The following APOL5 variants were observed in gnomAD, a reference collection of about 807,000 sequenced individuals.
The protein encoded by APOL5 is apolipoprotein L5, also known as apolipoprotein L, 5.
Under a neutral mutation model 35.5 loss-of-function variants are expected in APOL5, and 29 were observed. That is an observed-to-expected ratio of 0.82 (90% CI 0.61 to 1.11). The LOEUF is 1.11. Ranked by LOEUF, APOL5 falls within the 50% of genes most tolerant of loss-of-function variation. APOL5 has a pLI of 0.00. For missense variants in APOL5, 514 were observed against 530.4 expected (o/e 0.97, Z 0.30); for synonymous variants, 188 against 200.2 (o/e 0.94, Z 0.51).
intron 2 of APOL5, among the ~76,000 whole-genome samples, chr22:35,725,950 A>G (rs1375928222): frequency 2.6e-5 from 4 of 152,162 alleles, no homozygotes; most frequent in Non-Finnish European, 4.4e-5. Context: ...TTTCTGGGAA[A>G]GGGCTGTTAT....
At chr22:35,723,686 C>T (rs1259746732) in intron 2 of APOL5, among the ~76,000 whole-genome samples, 2 of 152,278 alleles carry the variant, frequency 1.3e-5, no homozygotes, top group Middle Eastern at 6.8e-3. Context: ...TTGGGTTGGG[C>T]GTGATGGCTC....
chr22:35,711,999 TTGTTGTTGC>T, the APOL5 span, among the ~76,000 whole-genome samples: 1 of 151,116 alleles, frequency 6.6e-6, no homozygotes, highest in South Asian at 2.1e-4. Flanking sequence ...TGTTTTGTTG[TTGTTGTTGC>T]TGTTTGTTTG....
At chr22:35,716,583 A>G (rs1319360178), upstream of APOL5, among the ~76,000 whole-genome samples, 10 of 152,178 alleles carry the variant, frequency 6.6e-5, no homozygotes, top group Non-Finnish European at 1.2e-4. Flanking sequence ...TTATTATAAA[A>G]CTAACAAGTT....
rs2146008569 is a variant in APOL5, at chr22:35,729,059, G to A, written c.*6+155G>A. On this transcript the variant is annotated intron_variant, in intron 4 of 4. Transcript: ENST00000249044. ...ATCCGGCCACCTGCCACGCCACCTG[G>A]TGCCTTTGCCAGTCAGTGAGATCAC... Among the ~76,000 whole-genome samples, 3 of 152,306 alleles carry A rather than the reference G, an allele frequency of 2.0e-5. No individual in the cohort carries two copies. In the South Asian group the frequency reaches 6.2e-4, roughly 32 times the overall value.
chr22:35,728,944 C>G (rs765027182), intron 4 of APOL5, 40 bp downstream of exon 4: 3 of 1,534,640 alleles, frequency 2.0e-6, no homozygotes, highest in Non-Finnish European at 2.6e-6. Flanking sequence ...GTGGGAACCC[C>G]TGACAGTGAA....
chr22:35,728,009 G>C (rs1303227293), intron 3 of APOL5, among the ~76,000 whole-genome samples: 2 of 152,234 alleles, frequency 1.3e-5, no homozygotes, highest in East Asian at 3.8e-4. Context: ...AGATGTGAAG[G>C]CTCAAATGTT....
At chr22:35,709,874 T>C in the APOL5 span, among the ~76,000 whole-genome samples, 2 of 152,118 alleles carry the variant, frequency 1.3e-5, no homozygotes, top group Non-Finnish European at 2.9e-5. Context: ...TTTCCTAAGC[T>C]CCACCAGCTT....
upstream of APOL5, chr22:35,717,743 A>AAAAAAAAAG: frequency 3.0e-6 from 1 of 329,476 alleles, no homozygotes; most frequent in East Asian, 5.1e-5. Flanking sequence ...CATCGCAAAA[A>AAAAAAAAAG]AAAAAAAAAA....
At chr22:35,717,738 CAAA>C (rs71322979), upstream of APOL5, 615 of 192,952 alleles carry the variant, frequency 3.2e-3, no homozygotes, top group South Asian at 4.3e-3. Context: ...AGCTCCATCG[CAAA>C]AAAAAAAAAA....
At chr22:35,715,870 T>C (rs1025554571), upstream of APOL5, among the ~76,000 whole-genome samples, 16 of 152,096 alleles carry the variant, frequency 1.1e-4, no homozygotes, top group Non-Finnish European at 1.2e-4. Flanking sequence ...TACCTATCTA[T>C]GTAGAGCATA....
chr22:35,724,560 T>G (rs1456684314), intron 2 of APOL5, among the ~76,000 whole-genome samples: 1 of 152,186 alleles, frequency 6.6e-6, no homozygotes, highest in African/African-American at 2.4e-5. Context: ...AGCTTTTAAG[T>G]TACATTTTAT....
chr22:35,727,091 C>T lies in APOL5; in HGVS notation c.1023C>T (p.Asp341=), dbSNP rs774857119. The part of the protein sequence containing the change: ...ALAKKLEQEL[D]RLTQHHRHLP... ...CTAAGAAGCTGGAGCAGGAGCTGGA[C>T]CGGCTCACCCAGCACCACCGGCACC... is the stretch of plus-strand genomic sequence containing the variant. The change falls in exon 3 of 5, where the codon GAC becomes GAT. Residue 341 remains aspartate, a synonymous_variant. Coordinates refer to ENST00000249044, the MANE Select transcript of APOL5 (RefSeq NM_030642.1). The T allele has an allele frequency of 3.7e-6, 6 of 1,611,922 alleles. No individual in the cohort carries two copies. Among genetic ancestry groups the T allele is most frequent in the Non-Finnish European group, 4.2e-6 (5 of 1,180,010 alleles).
In APOL5 at chr22:35,728,749, G is replaced by T; in HGVS notation, c.1153G>T (p.Val385Phe). Residue 385 changes from valine to phenylalanine, a missense_variant, in exon 4 of 5, where the codon GTT becomes TTT. Around this residue, in one of 3 missense-constraint regions of APOL5, gnomAD observed 238 missense variants for 229.1 expected, o/e 1.04. Transcript: ENST00000249044. Reference protein sequence around the residue: ...EGSRSPLPWPVVEHQPRLGPG... With the variant: ...EGSRSPLPWPFVEHQPRLGPG... ...GTCTCGCTCACCTCTCCCCTGGCCT[G>T]TTGTGGAGCACCAGCCTAGGCTGGG... The T allele has an allele frequency of 6.2e-7, 1 of 1,613,218 alleles. No individual in the cohort carries two copies. Among genetic ancestry groups the T allele is most frequent in the Non-Finnish European group, 8.5e-7 (1 of 1,179,600 alleles).
chr22:35,711,599 T>TTTCCCTCCTTCCTTCC, the APOL5 span, among the ~76,000 whole-genome samples: 11 of 77,508 alleles, frequency 1.4e-4, no homozygotes, highest in African/African-American at 5.1e-4. Flanking sequence ...TCACCATGTT[T>TTTCCCTCCTTCCTTCC]TTCCTTCCTT....
rs1927196842 is a variant in APOL5, at chr22:35,727,130, G to A, written c.1062G>A (p.Ala354=). 3 of 1,610,302 alleles carry A rather than the reference G, an allele frequency of 1.9e-6. No individual in the cohort carries two copies. The highest frequency in any genetic ancestry group is 2.5e-6 in the Non-Finnish European group (3 of 1,180,008). Residue 354 remains alanine, a synonymous_variant, in exon 3 of 5, where the codon GCG becomes GCA. Coordinates refer to ENST00000249044, the MANE Select transcript of APOL5 (RefSeq NM_030642.1). ...TQHHRHLPQK[A]SQTCSSSRGR... Reference sequence around the variant, plus strand: ...ACCACCGGCACCTGCCGCAGAAGGCGAGCCAGACCTGTTCCAGCTCCCGGG... The same window carrying A: ...ACCACCGGCACCTGCCGCAGAAGGCAAGCCAGACCTGTTCCAGCTCCCGGG...
upstream of APOL5, among the ~76,000 whole-genome samples, chr22:35,713,718 C>T (rs898175746): frequency 1.2e-4 from 18 of 152,192 alleles, no homozygotes; most frequent in African/African-American, 4.3e-4. Context: ...ATGACTGCAG[C>T]ACCAACCAAA....
chr22:35,719,140 G>A lies in APOL5; in HGVS notation c.55+1214G>A, dbSNP rs117362371. Among the ~76,000 whole-genome samples the A allele has an allele frequency of 8.9e-3, 1,348 of 152,124 alleles. 27 individuals carry two copies. The highest frequency in any genetic ancestry group is 0.068 in the Middle Eastern group (20 of 294). ...ATAAAAGCCATGCGAAAAATAATAC[G>A]GATTTGAAAAATAACGGGAAGTAGA... On this transcript the variant is annotated intron_variant, in intron 1 of 4. Coordinates refer to ENST00000249044, the MANE Select transcript of APOL5 (RefSeq NM_030642.1).
rs139156517 is a variant in APOL5 at position 35,719,785 on chromosome 22, A to C, written c.56-783A>C. ...CCCAGTGAGCTTATCGGAAGGACAA[A>C]GCAGAGGGTCTAATTTCTGTACTCC... On this transcript the variant is annotated intron_variant, in intron 1 of 4. Coordinates refer to ENST00000249044, the MANE Select transcript of APOL5 (RefSeq NM_030642.1). Among the ~76,000 whole-genome samples the C allele has an allele frequency of 7.5e-3, 1,148 of 152,328 alleles. 17 individuals carry two copies. The highest frequency in any genetic ancestry group is 0.026 in the African/African-American group (1,097 of 41,560).
chr22:35,725,947 G>A (rs1416529011), intron 2 of APOL5, among the ~76,000 whole-genome samples: 1 of 152,168 alleles, frequency 6.6e-6, no homozygotes, highest in Non-Finnish European at 1.5e-5. Flanking sequence ...TTGTTTCTGG[G>A]AAAGGGCTGT....
Sources: allele counts gnomAD v4.1 joint callset (sites outside exome capture counted in the v4.1 genomes callset), GRCh38; gene constraint gnomAD v4.1.1; regional missense constraint gnomAD v4.1.1; transcripts MANE v1.5; gene names NCBI Gene and HGNC (gene_info 2026-07-23, HGNC 2026-07-21).